Variants in RALYL observed in about 807,000 individuals in gnomAD.
RALYL encodes RALY RNA binding protein like.
Under a neutral mutation model 35.1 loss-of-function variants are expected in RALYL, and 29 were observed. The ratio of observed to expected loss-of-function variants is 0.83; its 90% CI spans 0.61 to 1.13. The LOEUF (loss-of-function observed/expected upper bound fraction) is 1.13. RALYL is among the 50% of genes most tolerant of loss of function. The pLI, the probability that RALYL is intolerant of heterozygous loss-of-function variation, is 0.00. For missense variants in RALYL, 359 were observed against 360.4 expected (o/e 1.00, Z 0.03); for synonymous variants, 120 against 127.6 (o/e 0.94, Z 0.40).
upstream of RALYL, chr8:84,183,136 AGCGGCAGAG>A (rs1811668807): frequency 6.3e-6 from 1 of 159,600 alleles, no homozygotes; most frequent in Admixed American, 6.5e-5. Context: ...TCGCGGCAGC[AGCGGCAGAG>A]GCGGCGGCAG....
intron 1 of RALYL, among the ~76,000 whole-genome samples, chr8:84,351,419 T>C (rs535637211): frequency 2.7e-5 from 4 of 150,378 alleles, no homozygotes; most frequent in Non-Finnish European, 5.9e-5. Context: ...TATTCTTTAT[T>C]ATTTTTACTT....
In RALYL at chr8:84,308,441, G is replaced by A. The variant is rs1027184526; in HGVS notation, c.-24+124017G>A. 4.0e-5 allele frequency among the ~76,000 whole-genome samples: 6 copies of A among 151,492 alleles called. No homozygotes were observed. The South Asian group carries it at 1.2e-3, about 31-fold the overall frequency. ...ATTTGTTGGATGCTGGCACTTTCTA[G>A]GTCTCTTCCTCAAGTAGTTAATAAC... On this transcript the variant is annotated intron_variant, in intron 1 of 8. Coordinates refer to ENST00000521268, the MANE Select transcript of RALYL (RefSeq NM_173848.7).
At chr8:84,405,292 T>G (rs935311831) in intron 1 of RALYL, among the ~76,000 whole-genome samples, 2 of 151,734 alleles carry the variant, frequency 1.3e-5, no homozygotes, top group Non-Finnish European at 2.9e-5. Flanking sequence ...CCATAACAAT[T>G]GAAAGAACTA....
In RALYL at chr8:84,309,750, A is replaced by G. The variant is rs565563892; in HGVS notation, c.-24+125326A>G. Among the ~76,000 whole-genome samples, 8 of 152,284 alleles carry G rather than the reference A, an allele frequency of 5.3e-5. No homozygotes were observed. The South Asian group carries it at 1.7e-3, about 32-fold the overall frequency. On this transcript the variant is annotated intron_variant, in intron 1 of 8. Transcript: ENST00000521268. ...AAAATAAAAAGCAAAACAGTAAAAA[A>G]CTTCATAAGAAAAGAAATCTCAGAG... is the stretch of plus-strand genomic sequence containing the variant.
At chr8:84,238,997 G>T (rs2131541901) in intron 1 of RALYL, among the ~76,000 whole-genome samples, 1 of 152,282 alleles carries the variant, frequency 6.6e-6, no homozygotes, top group African/African-American at 2.4e-5. Flanking sequence ...GGCTGACAAG[G>T]AGGTAAAGAC....
chr8:84,477,786 T>A (rs1259773100), intron 1 of RALYL, among the ~76,000 whole-genome samples: 2 of 151,832 alleles, frequency 1.3e-5, no homozygotes, highest in Admixed American at 1.3e-4. Context: ...ATTTCTAGCT[T>A]TATTTCTCAT....
chr8:84,349,155 G>A (rs574534642), intron 1 of RALYL, among the ~76,000 whole-genome samples: 1 of 149,994 alleles, frequency 6.7e-6, no homozygotes, highest in Non-Finnish European at 1.5e-5. Flanking sequence ...TTTATCATAT[G>A]TCCAGACCAC....
intron 4 of RALYL, among the ~76,000 whole-genome samples, chr8:84,823,188 A>G (rs1455222795): frequency 6.6e-6 from 1 of 152,136 alleles, no homozygotes; most frequent in Non-Finnish European, 1.5e-5. Flanking sequence ...GAAATATTTT[A>G]AATAAAAAAT....
chr8:84,185,012 G>C (rs1812137669), intron 1 of RALYL: 20 of 1,613,932 alleles, frequency 1.2e-5, no homozygotes, highest in Non-Finnish European at 1.7e-5. Flanking sequence ...AGTAAACGAC[G>C]CAGTAGGTCC....
chr8:84,184,815 G>T (rs1227811007), intron 1 of RALYL: 25 of 648,762 alleles, frequency 3.9e-5, no homozygotes. Flanking sequence ...TGTACGTGGC[G>T]CTGGCCGTCG....
intron 5 of RALYL, among the ~76,000 whole-genome samples, chr8:84,853,908 T>C (rs1836407838): frequency 6.6e-6 from 1 of 152,158 alleles, no homozygotes; most frequent in Non-Finnish European, 1.5e-5. Context: ...ATCTGTTATG[T>C]CCTCTGGGAG....
At chr8:84,718,647 C>A (rs1191115752) in intron 2 of RALYL, among the ~76,000 whole-genome samples, 1 of 151,850 alleles carries the variant, frequency 6.6e-6, no homozygotes, top group African/African-American at 2.4e-5. Flanking sequence ...TGCCTGTAAT[C>A]CCAGCTGTGA....
At chr8:84,910,198 A>T (rs1417361354) in intron 8 of RALYL, among the ~76,000 whole-genome samples, 1 of 152,114 alleles carries the variant, frequency 6.6e-6, no homozygotes, top group Non-Finnish European at 1.5e-5. Flanking sequence ...ATGAAGCAGG[A>T]TGGTGTATGA....
chr8:84,561,481 G>A (rs2061465407), intron 2 of RALYL, among the ~76,000 whole-genome samples: 1 of 151,682 alleles, frequency 6.6e-6, no homozygotes, highest in Non-Finnish European at 1.5e-5. Context: ...ATCACAGACA[G>A]TCCTGAGCCG....
At chr8:84,893,989 G>A (rs959440218) in intron 8 of RALYL, among the ~76,000 whole-genome samples, 6 of 152,112 alleles carry the variant, frequency 3.9e-5, no homozygotes, top group African/African-American at 1.4e-4. Flanking sequence ...ATTCAACTAA[G>A]CAGTAAGTCA....
At chr8:84,618,201 C>T (rs929038826) in intron 2 of RALYL, among the ~76,000 whole-genome samples, 49 of 151,840 alleles carry the variant, frequency 3.2e-4, no homozygotes, top group African/African-American at 9.7e-4. Flanking sequence ...TGGTAGAATT[C>T]GGCTGTGAAT....
intron 2 of RALYL, among the ~76,000 whole-genome samples, chr8:84,531,684 G>GA: frequency 6.6e-6 from 1 of 152,094 alleles, no homozygotes; most frequent in Non-Finnish European, 1.5e-5. Context: ...AATACTTGAG[G>GA]AAATGCATTT....
intron 1 of RALYL, among the ~76,000 whole-genome samples, chr8:84,388,030 C>T (rs1374109397): frequency 6.6e-6 from 1 of 151,976 alleles, no homozygotes; most frequent in Admixed American, 6.6e-5. Flanking sequence ...GTGTGATGTT[C>T]CCCTTCCTGT....
intron 1 of RALYL, among the ~76,000 whole-genome samples, chr8:84,464,141 T>G (rs7813108): frequency 3.9e-4 from 46 of 119,480 alleles, no homozygotes; most frequent in Admixed American, 1.0e-3. Flanking sequence ...GTTTTTTTTT[T>G]GTTTTTTTTT....
Sources: allele counts gnomAD v4.1 joint callset (sites outside exome capture counted in the v4.1 genomes callset), GRCh38; gene constraint gnomAD v4.1.1; transcripts MANE v1.5; gene names NCBI Gene and HGNC (gene_info 2026-07-23, HGNC 2026-07-21).